F3: variants seen among roughly 807,000 people sequenced by gnomAD.
F3 encodes the protein tissue factor.
F3 carries 18 observed loss-of-function variants against 33.5 expected under a neutral mutation model. The ratio of observed to expected loss-of-function variants is 0.54; its 90% confidence interval spans 0.37 to 0.80. F3 has a LOEUF of 0.80. F3 is among the 30% of genes least tolerant of loss of function. The probability of loss-of-function intolerance (pLI) is 0.00; values close to 1 mark genes in which losing one functional copy is unlikely to be tolerated. For synonymous variants in F3, 147 were observed against 140.7 expected (o/e 1.05, Z -0.32); for missense variants, 353 against 362.1 (o/e 0.97, Z 0.20).
intron 2 of F3, among the ~76,000 whole-genome samples, chr1:94,536,735 A>G (rs1358062120): frequency 6.6e-6 from 1 of 152,182 alleles, no homozygotes; most frequent in Non-Finnish European, 1.5e-5. Context: ...TAGTCTACTT[A>G]TTATAGTTGT....
chr1:94,534,962 G>A (rs1001792935), intron 3 of F3, among the ~76,000 whole-genome samples: 3 of 151,966 alleles, frequency 2.0e-5, no homozygotes, highest in African/African-American at 7.3e-5. Context: ...CTTGCCTGGT[G>A]CCACAAAAGA....
chr1:94,535,979 G>A lies in F3; in HGVS notation c.398C>T (p.Thr133Ile). The A allele has an allele frequency of 6.2e-7, 1 of 1,614,192 alleles. No individual in the cohort carries two copies. Among genetic ancestry groups the A allele is most frequent in the Non-Finnish European group, 8.5e-7 (1 of 1,180,008 alleles). The change falls in exon 3 of 6, where the codon ACA becomes ATA. Residue 133 changes from threonine (T) to isoleucine (I), a missense_variant. Coordinates refer to ENST00000334047, the MANE Select transcript of F3 (RefSeq NM_001993.5). ...EPLYENSPEF[T>I]PYLETNLGQP... ...AAGCCACTTACTCTCCAGGTAAGGT[G>A]TGAACTCTGGGGAGTTCTCATACAG... is the stretch of plus-strand genomic sequence containing the variant.
At chr1:94,533,009 G>A in intron 4 of F3, 81 bp downstream of exon 4, 1 of 1,393,366 alleles carries the variant, frequency 7.2e-7, no homozygotes, top group Non-Finnish European at 9.9e-7. Flanking sequence ...TGCTATTTTT[G>A]AATTGGGGAA....
At chr1:94,533,853 TTTC>T (rs1651509085) in intron 3 of F3, among the ~76,000 whole-genome samples, 1 of 151,992 alleles carries the variant, frequency 6.6e-6, no homozygotes, top group Non-Finnish European at 1.5e-5. Context: ...TTTCTTTTCT[TTTC>T]TTTTTTTTCT....
At chr1:94,538,766 G>C (rs1191089768) in intron 2 of F3, among the ~76,000 whole-genome samples, 2 of 152,174 alleles carry the variant, frequency 1.3e-5, no homozygotes, top group African/African-American at 2.4e-5. Context: ...TTCCTGGGGT[G>C]GGCAGGAGAA....
At chr1:94,539,692 C>G (rs1280252178) in intron 2 of F3, among the ~76,000 whole-genome samples, 3 of 152,252 alleles carry the variant, frequency 2.0e-5, no homozygotes, top group East Asian at 3.9e-4. Flanking sequence ...CACACCAGAC[C>G]CAGAGGGTGC....
intron 3 of F3, 31 bp from the exon 4 acceptor site, chr1:94,533,299 C>G (rs756369413): frequency 1.6e-5 from 25 of 1,591,138 alleles, no homozygotes; most frequent in Non-Finnish European, 1.6e-5. Flanking sequence ...TTGGTTGGAA[C>G]CAAAGAATTC....
Position 94,530,665 on chromosome 1 carries a change from G to A in F3, c.752-69C>T, listed in dbSNP as rs573186488. The A allele has an allele frequency of 5.7e-6, 9 of 1,580,984 alleles. No homozygotes were observed. In the East Asian group the frequency reaches 6.8e-5, roughly 12 times the overall value. ...CCATTTATCAGTGGACAAAATTGAC[G>A]GCATAACCCCAAATTACACCATCCT... On this transcript the variant is annotated intron_variant, in intron 5 of 5. Transcript: ENST00000334047.
intron 2 of F3, among the ~76,000 whole-genome samples, chr1:94,537,356 C>G (rs982320697): frequency 6.6e-6 from 1 of 152,194 alleles, no homozygotes; most frequent in African/African-American, 2.4e-5. Context: ...GAGCCAGACC[C>G]ATCGTTCAAG....
chr1:94,530,720 C>T, intron 5 of F3, 124 bp from the exon 6 acceptor site: 1 of 1,094,442 alleles, frequency 9.1e-7, no homozygotes. Context: ...TTCTTTCACT[C>T]TTTCCACCAC....
At chr1:94,536,627 T>C (rs72968353) in intron 2 of F3, among the ~76,000 whole-genome samples, 139 of 152,302 alleles carry the variant, frequency 9.1e-4, no homozygotes, top group African/African-American at 3.3e-3. Flanking sequence ...TAAATATCTT[T>C]CTTTTAGAAT....
rs543343079 is a variant in F3 at position 94,539,377 on chromosome 1, T to C, written c.212+880A>G. Among the ~76,000 whole-genome samples the C allele has an allele frequency of 3.9e-5, 6 of 152,364 alleles. No individual in the cohort carries two copies. The South Asian group carries it at 1.0e-3, about 26-fold the overall frequency. On this transcript the variant is annotated intron_variant, in intron 2 of 5. Coordinates refer to ENST00000334047, the MANE Select transcript of F3 (RefSeq NM_001993.5). ...TAAAAGATGCATCGTTATCTAGAAGTTGCATTCCTAATGCTGTAAAAGGCC... is the reference window on the plus strand; with the variant it reads ...TAAAAGATGCATCGTTATCTAGAAGCTGCATTCCTAATGCTGTAAAAGGCC...
rs188038160 is a variant in F3 at position 94,539,037 on chromosome 1, A to G, written c.212+1220T>C. On this transcript the variant is annotated intron_variant, in intron 2 of 5. Coordinates refer to ENST00000334047, the MANE Select transcript of F3 (RefSeq NM_001993.5). Reference sequence around the variant, plus strand: ...ATATATTCCCATGTGTCCCTCAAATATTAGATTGAATATATTTAGGAGGTA... The same window carrying G: ...ATATATTCCCATGTGTCCCTCAAATGTTAGATTGAATATATTTAGGAGGTA... Among the ~76,000 whole-genome samples, 46 of 152,286 alleles carry G rather than the reference A, an allele frequency of 3.0e-4. No individual in the cohort carries two copies. The East Asian group carries it at 8.5e-3, about 28-fold the overall frequency.
At chr1:94,539,631 C>T (rs912810117) in intron 2 of F3, among the ~76,000 whole-genome samples, 5 of 152,164 alleles carry the variant, frequency 3.3e-5, no homozygotes, top group Admixed American at 6.5e-5. Flanking sequence ...GCTGAATTAT[C>T]GCCTCCTGGG....
In F3 at chr1:94,529,296, A is replaced by G. The variant is rs1651344694; in HGVS notation, c.*1164T>C. On this transcript the variant is annotated 3_prime_UTR_variant, in exon 6 of 6. Coordinates refer to ENST00000334047, the MANE Select transcript of F3 (RefSeq NM_001993.5). ...AAATTGTACATAAATAATAAATGGA[A>G]GATAGAATAAGTACAACAGTAACAA... The G allele has an allele frequency of 6.5e-6, 1 of 152,686 alleles. No individual in the cohort carries two copies. The highest frequency in any genetic ancestry group is 6.5e-5 in the Admixed American group (1 of 15,288). 9.5% of individuals were successfully genotyped at this position (152,686 alleles called of 1,614,324 possible). A position where few individuals can be genotyped will look rare whatever the true frequency, so the allele number is the denominator to read the frequency against.
chr1:94,532,129 T>C (rs1651450282), intron 5 of F3, among the ~76,000 whole-genome samples, 192 bp downstream of exon 5: 1 of 152,166 alleles, frequency 6.6e-6, no homozygotes, highest in Non-Finnish European at 1.5e-5. Flanking sequence ...TTTCTAAATG[T>C]CCAAAATCTT....
Position 94,541,544 on chromosome 1 carries a change from G to C in F3, c.93C>G (p.Gly31=). The stretch of plus-strand genomic sequence containing the variant: ...GGGGCTGGTGCCACTCACCTGAAGC[G>C]CCGGCCACCTGGGCGAAGACCCAGC... ...LLGWVFAQVA[G]ASGTTNTVAA... Residue 31 remains glycine (G), a synonymous_variant, in exon 1 of 6, where the codon GGC becomes GGG. Coordinates refer to ENST00000334047, the MANE Select transcript of F3 (RefSeq NM_001993.5). The C allele has an allele frequency of 6.7e-7, 1 of 1,495,152 alleles. No homozygotes were observed. The highest frequency in any genetic ancestry group is 2.8e-5 in the East Asian group (1 of 35,602). The allele number at this position is 1,495,152 out of a possible 1,614,324, so 92.6% of individuals were successfully genotyped here. A position where few individuals can be genotyped will look rare whatever the true frequency, so the allele number is the denominator to read the frequency against.
In F3 at chr1:94,530,627, G is replaced by C. The variant is rs754025019; in HGVS notation, c.752-31C>G. On this transcript the variant is annotated intron_variant, in intron 5 of 5. Coordinates refer to ENST00000334047, the MANE Select transcript of F3 (RefSeq NM_001993.5). ...AAATAAAGGGCATCTAGTCAACTTG[G>C]AGAGCTCAAATCCCATTTATCAGTG... The C allele has an allele frequency of 2.5e-4, 396 of 1,613,112 alleles. 1 individual carries two copies. Among genetic ancestry groups the C allele is most frequent in the Non-Finnish European group, 3.3e-4 (387 of 1,179,594 alleles).
chr1:94,531,032 G>A (rs779439100), intron 5 of F3, among the ~76,000 whole-genome samples: 10 of 152,132 alleles, frequency 6.6e-5, no homozygotes, highest in East Asian at 3.9e-4. Context: ...TGGAAGTGGC[G>A]TTTGAAATGC....
Sources: gnomAD v4.1 joint callset for allele counts (sites outside exome capture counted in the v4.1 genomes callset) on GRCh38, gnomAD v4.1.1 for gene constraint, MANE v1.5 for transcripts, NCBI Gene and HGNC (gene_info 2026-07-23, HGNC 2026-07-21) for gene names.